Variants in GPSM2 observed in about 807,000 individuals in gnomAD.
GPSM2 encodes G protein signaling modulator 2.
GPSM2 carries 58 observed loss-of-function variants against 78.4 expected under a neutral mutation model. The ratio of observed to expected loss-of-function variants is 0.74; its 90% confidence interval spans 0.60 to 0.92. GPSM2 has a LOEUF of 0.92. GPSM2 is among the 40% of genes least tolerant of loss of function. The pLI is 0.00. For synonymous variants in GPSM2, 224 were observed against 280.2 expected (o/e 0.80, Z 2.00); for missense variants, 700 against 815.5 (o/e 0.86, Z 1.73).
At chr1:108,923,375 T>C (rs1430405570) in intron 13 of GPSM2, among the ~76,000 whole-genome samples, 1 of 152,154 alleles carries the variant, frequency 6.6e-6, no homozygotes, top group Non-Finnish European at 1.5e-5. Context: ...AGAAAGGTCG[T>C]TATACATACC....
At chr1:108,917,690 AGGCTCAAGCAATCCTCAAATTCCTG>A (rs1290060391) in intron 11 of GPSM2, among the ~76,000 whole-genome samples, 7 of 104,958 alleles carry the variant, frequency 6.7e-5, no homozygotes, top group East Asian at 6.9e-4. Flanking sequence ...TATGTTGTCC[AGGCTCAAGCAATCCTCAAATTCCTG>A]GGCTCAAGCA....
intron 10 of GPSM2, among the ~76,000 whole-genome samples, chr1:108,911,884 C>A (rs545886875): frequency 8.1e-5 from 12 of 147,734 alleles, no homozygotes; most frequent in Non-Finnish European, 1.8e-4. Context: ...CAGCTTACTG[C>A]AGCCTCTACC....
chr1:108,898,183 T>C, intron 5 of GPSM2, 82 bp downstream of exon 5: 1 of 1,393,556 alleles, frequency 7.2e-7, no homozygotes, highest in Non-Finnish European at 1.0e-6. Flanking sequence ...AGTAGTAAGT[T>C]TTTAAGTTTG....
intron 8 of GPSM2, among the ~76,000 whole-genome samples, chr1:108,902,263 C>A (rs1648882035): frequency 6.6e-6 from 1 of 152,020 alleles, no homozygotes; most frequent in Non-Finnish European, 1.5e-5. Flanking sequence ...CGCTTGTAAT[C>A]CCAGCTACTC....
chr1:108,931,628 T>TAA lies in GPSM2; in HGVS notation c.*1702_*1703dup, dbSNP rs71593448. 131,025 of 802,182 alleles carry TAA rather than the reference T, an allele frequency of 0.16. 7,701 individuals carry two copies. Among genetic ancestry groups the TAA allele is most frequent in the African/African-American group, 0.41 (20,915 of 51,356 alleles). 49.7% of individuals were successfully genotyped at this position (802,182 alleles called of 1,614,324 possible). A position where few individuals can be genotyped will look rare whatever the true frequency, so the allele number is the denominator to read the frequency against. On this transcript the variant is annotated 3_prime_UTR_variant, in exon 15 of 15. Transcript: ENST00000264126. Reference sequence around the variant, plus strand: ...GAATTAATTACATTAAGTGCTCAGCTAAAAAAAAAAAAAAAGTTCTAAATT... The same window carrying TAA: ...GAATTAATTACATTAAGTGCTCAGCTAAAAAAAAAAAAAAAAAGTTCTAAATT...
chr1:108,924,159 C>CT lies in GPSM2; in HGVS notation c.1761dup (p.Asn588Ter), dbSNP rs1161092678. 1 of 1,613,806 alleles carries CT rather than the reference C, an allele frequency of 6.2e-7. No homozygotes were observed. The highest frequency in any genetic ancestry group is 1.7e-5 in the Admixed American group (1 of 60,010). On this transcript the variant is annotated frameshift_variant, in exon 14 of 15. Transcript: ENST00000264126. LOFTEE classifies it high-confidence loss of function. ...CAGTCGGTACTTAGCCACCTGATGA[C>CT]TAATGACAACAAAGAGGCTGATGAA... is the stretch of plus-strand genomic sequence containing the variant.
intron 2 of GPSM2, among the ~76,000 whole-genome samples, chr1:108,893,896 A>G (rs1648160844): frequency 6.6e-6 from 1 of 152,062 alleles, no homozygotes; most frequent in Non-Finnish European, 1.5e-5. Flanking sequence ...CTCTACTAAA[A>G]ATACAAAAAT....
At chr1:108,877,564 C>T (rs933129646) in intron 1 of GPSM2, 8 of 151,686 alleles carry the variant, frequency 5.3e-5, no homozygotes, top group Admixed American at 1.3e-4. Flanking sequence ...CGACTTCTTA[C>T]CACTCTGAAT....
chr1:108,892,192 T>A (rs774947541), intron 2 of GPSM2, among the ~76,000 whole-genome samples: 37 of 152,232 alleles, frequency 2.4e-4, no homozygotes, highest in Non-Finnish European at 4.9e-4. Context: ...AATTCCATCA[T>A]TTATTCTTAA....
intron 12 of GPSM2, among the ~76,000 whole-genome samples, chr1:108,921,079 A>G (rs979618657): frequency 1.3e-5 from 2 of 152,126 alleles, no homozygotes; most frequent in Non-Finnish European, 2.9e-5. Context: ...GGTGTCATGC[A>G]AGATACCCTC....
In GPSM2 at chr1:108,904,138, G is replaced by C; in HGVS notation, c.1076G>C (p.Ser359Thr). 1 of 1,599,918 alleles carries C rather than the reference G, an allele frequency of 6.3e-7. No homozygotes were observed. Among genetic ancestry groups the C allele is most frequent in the Non-Finnish European group, 8.6e-7 (1 of 1,168,022 alleles). Residue 359 changes from serine (S) to threonine (T), a missense_variant, in exon 10 of 15, where the codon AGT becomes ACT. Physicochemically the swap from Ser to Thr is moderately conservative, Grantham distance 58. Coordinates refer to ENST00000264126, the MANE Select transcript of GPSM2 (RefSeq NM_013296.5). ...LEISREVGDK[S>T]GELTARLNLS... ...TTTGTGTTGTAGGTTGGGGATAAAAGTGGTGAACTAACAGCACGACTTAAT... is the reference window on the plus strand; with the variant it reads ...TTTGTGTTGTAGGTTGGGGATAAAACTGGTGAACTAACAGCACGACTTAAT...
At chr1:108,888,950 A>G (rs538042046) in intron 2 of GPSM2, among the ~76,000 whole-genome samples, 1 of 152,362 alleles carries the variant, frequency 6.6e-6, no homozygotes, top group East Asian at 1.9e-4. Flanking sequence ...TACCCTTTAC[A>G]TAAATTTCCA....
chr1:108,877,657 G>T (rs542889953), intron 1 of GPSM2: 1 of 152,060 alleles, frequency 6.6e-6, no homozygotes, highest in South Asian at 2.1e-4. Context: ...AGTCGGGCGC[G>T]TCCTACCTAA....
intron 11 of GPSM2, among the ~76,000 whole-genome samples, chr1:108,917,616 ATATATAT>A (rs1650348821): frequency 2.6e-4 from 1 of 3,900 alleles, no homozygotes; most frequent in Admixed American, 2.0e-3. Flanking sequence ...ACACACATAT[ATATATAT>A]ATATATATAT....
intron 1 of GPSM2, among the ~76,000 whole-genome samples, chr1:108,878,769 T>C (rs761867516): frequency 6.6e-6 from 1 of 152,234 alleles, no homozygotes. Flanking sequence ...ACTTTTGTTA[T>C]GTATCAGAGC....
At chr1:108,881,603 A>G (rs1269126905) in intron 1 of GPSM2, among the ~76,000 whole-genome samples, 2 of 152,070 alleles carry the variant, frequency 1.3e-5, no homozygotes, top group Non-Finnish European at 2.9e-5. Context: ...TTCAGTGAAT[A>G]TTTTTTTGTG....
intron 10 of GPSM2, among the ~76,000 whole-genome samples, chr1:108,913,155 C>T (rs1664422): frequency 0.015 from 2,285 of 152,202 alleles, 67 homozygotes; most frequent in African/African-American, 0.051. Flanking sequence ...GTTAAAGATG[C>T]GCCAACTGGA....
At chr1:108,928,059 G>A (rs1341435033) in intron 14 of GPSM2, among the ~76,000 whole-genome samples, 1 of 152,168 alleles carries the variant, frequency 6.6e-6, no homozygotes, top group Non-Finnish European at 1.5e-5. Flanking sequence ...CAACAACAAC[G>A]TAGACAAATT....
In GPSM2 at chr1:108,931,599, C is replaced by T. The variant is rs1769740; in HGVS notation, c.*1659C>T. 357,594 of 1,318,310 alleles carry T rather than the reference C, an allele frequency of 0.27. 53,423 individuals are homozygous for T. Among genetic ancestry groups the T allele is most frequent in the African/African-American group, 0.57 (37,070 of 64,984 alleles). The allele number at this position is 1,318,310 out of a possible 1,614,324, so 81.7% of individuals were successfully genotyped here. A position where few individuals can be genotyped will look rare whatever the true frequency, so the allele number is the denominator to read the frequency against. On this transcript the variant is annotated 3_prime_UTR_variant, in exon 15 of 15. Transcript: ENST00000264126. The stretch of plus-strand genomic sequence containing the variant: ...GGCCAATGTTTTTTAAGAGTCATAA[C>T]CTGGAATTAATTACATTAAGTGCTC...
Sources: allele counts gnomAD v4.1 joint callset (sites outside exome capture counted in the v4.1 genomes callset), GRCh38; gene constraint gnomAD v4.1.1; transcripts MANE v1.5; gene names NCBI Gene and HGNC (gene_info 2026-07-23, HGNC 2026-07-21).